Variants in SCD observed in about 807,000 individuals in gnomAD.
SCD encodes the protein acyl-CoA desaturase.
Under a neutral mutation model 35.7 loss-of-function variants are expected in SCD, and 4 were observed. That is an observed-to-expected ratio of 0.11 (90% CI 0.06 to 0.26). The LOEUF (loss-of-function observed/expected upper bound fraction) is 0.26. Ranked by LOEUF, SCD falls within the 10% of genes least tolerant of loss-of-function variation. SCD has a pLI of 1.00. For synonymous variants in SCD, 150 were observed against 170.2 expected (o/e 0.88, Z 0.92); for missense variants, 282 against 460.7 (o/e 0.61, Z 3.55).
At chr10:100,349,984 A>G (rs996165249) in intron 2 of SCD, among the ~76,000 whole-genome samples, 9 of 152,086 alleles carry the variant, frequency 5.9e-5, no homozygotes, top group Non-Finnish European at 1.2e-4. Flanking sequence ...CCTGAAGCCC[A>G]GAGTTTGACC....
intron 5 of SCD, among the ~76,000 whole-genome samples, chr10:100,358,961 T>C (rs1026688155): frequency 6.6e-6 from 1 of 152,078 alleles, no homozygotes; most frequent in Non-Finnish European, 1.5e-5. Context: ...TTTTTTTCTC[T>C]CTTTTTAACT....
chr10:100,356,034 T>C lies in SCD; in HGVS notation c.648-498T>C, dbSNP rs1849923820. 6.6e-6 allele frequency among the ~76,000 whole-genome samples: 1 copy of C among 152,130 alleles called. No individual in the cohort carries two copies. The highest frequency in any genetic ancestry group is 2.1e-4 in the South Asian group (1 of 4,830). On this transcript the variant is annotated intron_variant, in intron 4 of 5. Coordinates refer to ENST00000370355, the MANE Select transcript of SCD (RefSeq NM_005063.5). This position sits in a 1 kb window ranked among gnomAD's most constrained non-coding sequence, Gnocchi z 4.1. The stretch of plus-strand genomic sequence containing the variant: ...GGAGAGACGTCTGTTCATTAGTTTG[T>C]AGTTTGGACCTCACCTATCTTACCA...
chr10:100,352,483 C>T lies in SCD; in HGVS notation c.428C>T (p.Thr143Ile). 4.3e-6 allele frequency: 7 copies of T among 1,613,936 alleles called. No individual in the cohort carries two copies. The highest frequency in any genetic ancestry group is 5.9e-6 in the Non-Finnish European group (7 of 1,179,994). Residue 143 changes from threonine to isoleucine, a missense_variant, in exon 3 of 6, where the codon ACA (threonine) becomes ATA (isoleucine). Around this residue, in one of 2 missense-constraint regions of SCD, gnomAD observed 205 missense variants for 372.3 expected, o/e 0.55. Transcript: ENST00000370355. This position sits in a 1 kb window ranked among gnomAD's most constrained non-coding sequence, Gnocchi z 4.2. ...PLRLFLIIAN[T>I]MAFQNDVYEW... is the part of the protein sequence containing the mutation. ...CGGCTCTTTCTGATCATTGCCAACACAATGGCATTCCAGGTAAGAAGTTGT... is the reference window on the plus strand; with the variant it reads ...CGGCTCTTTCTGATCATTGCCAACATAATGGCATTCCAGGTAAGAAGTTGT...
At chr10:100,347,959 G>T (rs975868854) in intron 1 of SCD, 105 bp from the exon 2 acceptor site, 1 of 1,134,390 alleles carries the variant, frequency 8.8e-7, no homozygotes, top group Non-Finnish European at 1.3e-6. Flanking sequence ...CGCTGCGGAA[G>T]GGTCCGTACT....
intron 2 of SCD, among the ~76,000 whole-genome samples, chr10:100,350,703 T>C (rs1564625219): frequency 6.6e-6 from 1 of 152,252 alleles, no homozygotes; most frequent in African/African-American, 2.4e-5. Context: ...ATATACGTTC[T>C]GAGTCAACAC....
In SCD at chr10:100,348,146, C is replaced by A; in HGVS notation, c.110C>A (p.Thr37Lys). The A allele has an allele frequency of 6.2e-7, 1 of 1,613,832 alleles. No homozygotes were observed. Among genetic ancestry groups the A allele is most frequent in the Non-Finnish European group, 8.5e-7 (1 of 1,179,840 alleles). The change falls in exon 2 of 6, where the codon ACG (threonine) becomes AAG (lysine). Residue 37 changes from threonine (T) to lysine (K), a missense_variant. Thr to Lys is a moderately conservative substitution (Grantham distance 78, BLOSUM62 -1). This residue lies in a region of SCD where 77 missense variants were observed against 88.4 expected (regional missense o/e 0.87). Coordinates refer to ENST00000370355, the MANE Select transcript of SCD (RefSeq NM_005063.5). The part of the protein sequence containing the change: ...VLQNGGDKLE[T>K]MPLYLEDDIR... ...CAGAATGGAGGAGATAAGTTGGAGA[C>A]GATGCCCCTCTACTTGGAAGACGAC... is the stretch of plus-strand genomic sequence containing the variant.
At chr10:100,358,101 G>C (rs959162004) in intron 5 of SCD, among the ~76,000 whole-genome samples, 2 of 152,162 alleles carry the variant, frequency 1.3e-5, no homozygotes, top group Non-Finnish European at 2.9e-5. Context: ...CTGGGCTCAA[G>C]CGATCCTCGG....
At chr10:100,347,951 C>A in intron 1 of SCD, 113 bp from the exon 2 acceptor site, 1 of 1,066,982 alleles carries the variant, frequency 9.4e-7, no homozygotes, top group Non-Finnish European at 1.4e-6. Flanking sequence ...AACTACGGCG[C>A]TGCGGAAGGG....
intron 2 of SCD, among the ~76,000 whole-genome samples, chr10:100,348,726 T>C (rs920440265): frequency 3.3e-5 from 5 of 152,190 alleles, no homozygotes; most frequent in Admixed American, 2.6e-4. Flanking sequence ...TACTAAACCA[T>C]TGGCTTTCTA....
At position 100,364,113 on chromosome 10, in the gene SCD, A is replaced by ATAAG. The variant is rs1370121128; in HGVS notation, c.*3182_*3185dup. 6.8e-6 allele frequency: 1 copy of ATAAG among 147,888 alleles called. No homozygotes were observed. The highest frequency in any genetic ancestry group is 1.5e-5 in the Non-Finnish European group (1 of 67,666). 9.2% of individuals were successfully genotyped at this position (147,888 alleles called of 1,614,324 possible). A position where few individuals can be genotyped will look rare whatever the true frequency, so the allele number is the denominator to read the frequency against. On this transcript the variant is annotated 3_prime_UTR_variant, in exon 6 of 6. Coordinates refer to ENST00000370355, the MANE Select transcript of SCD (RefSeq NM_005063.5). Reference sequence around the variant, plus strand: ...GAAATAATTTGAATGTATTTGATTTATAAGTTTTTTTTTTTTTTTTGGGTT... The same window carrying ATAAG: ...GAAATAATTTGAATGTATTTGATTTATAAGTAAGTTTTTTTTTTTTTTTTGGGTT...
chr10:100,357,159 AAAAC>A (rs1204883894), intron 5 of SCD, among the ~76,000 whole-genome samples: 2 of 152,180 alleles, frequency 1.3e-5, no homozygotes, highest in Non-Finnish European at 2.9e-5. Context: ...ATTAAAAAGC[AAAAC>A]AAACAAACAA....
At chr10:100,347,914 C>T in intron 1 of SCD, 150 bp from the exon 2 acceptor site, 1 of 800,268 alleles carries the variant, frequency 1.2e-6, no homozygotes, top group Non-Finnish European at 2.0e-6. Flanking sequence ...TTCTCCGTTG[C>T]GTCTCGGATA....
chr10:100,347,641 A>G (rs1192179132), intron 1 of SCD, 110 bp downstream of exon 1: 3 of 1,253,972 alleles, frequency 2.4e-6, no homozygotes, highest in Non-Finnish European at 3.4e-6. Flanking sequence ...GGACTTGGTC[A>G]TCTTTTTCGA....
chr10:100,358,102 C>T (rs1344156988), intron 5 of SCD, among the ~76,000 whole-genome samples: 2 of 152,086 alleles, frequency 1.3e-5, no homozygotes, highest in African/African-American at 2.4e-5. Flanking sequence ...TGGGCTCAAG[C>T]GATCCTCGGG....
rs1849925143 is a variant in SCD, at chr10:100,356,150, A to C, written c.648-382A>C. Among the ~76,000 whole-genome samples the C allele has an allele frequency of 6.6e-6, 1 of 151,958 alleles. No homozygotes were observed. The highest frequency in any genetic ancestry group is 2.4e-5 in the African/African-American group (1 of 41,364). On this transcript the variant is annotated intron_variant, in intron 4 of 5. Transcript: ENST00000370355. The surrounding 1 kb of genome is among the most constrained non-coding windows in gnomAD (Gnocchi z 4.1). The stretch of plus-strand genomic sequence containing the variant: ...CAGCACTTTGGGAGGCTGAGGCGGG[A>C]GGATTGCTGGAAAGTTCAGGCATTC...
chr10:100,349,544 T>C (rs1035422983), intron 2 of SCD, among the ~76,000 whole-genome samples: 2 of 152,224 alleles, frequency 1.3e-5, no homozygotes, highest in African/African-American at 4.8e-5. Flanking sequence ...ATCTGGTTCA[T>C]TGAGCTTTTG....
chr10:100,360,663 G>T (rs1297456540), intron 5 of SCD, 71 bp from the exon 6 acceptor site: 1 of 1,328,842 alleles, frequency 7.5e-7, no homozygotes. Context: ...TACCCTGCTA[G>T]CTAACTGGTG....
intron 2 of SCD, among the ~76,000 whole-genome samples, chr10:100,351,393 G>A (rs1206049475): frequency 6.6e-6 from 1 of 151,994 alleles, no homozygotes; most frequent in Non-Finnish European, 1.5e-5. Flanking sequence ...AGGCGAGACA[G>A]AGGAGTTGTG....
At position 100,363,019 on chromosome 10, in the gene SCD, T is replaced by C. The variant is rs1255681396; in HGVS notation, c.*2086T>C. ...TGCTTGTAGAAGTAGGAGGAAACAG[T>C]TCTCACTGGGAAGAAGCAAGGGCAA... On this transcript the variant is annotated 3_prime_UTR_variant, in exon 6 of 6. Coordinates refer to ENST00000370355, the MANE Select transcript of SCD (RefSeq NM_005063.5). 2 of 152,202 alleles carry C rather than the reference T, an allele frequency of 1.3e-5. No individual in the cohort carries two copies. Among genetic ancestry groups the C allele is most frequent in the Non-Finnish European group, 2.9e-5 (2 of 68,054 alleles). 9.4% of individuals were successfully genotyped at this position (152,202 alleles called of 1,614,324 possible).
Sources: gnomAD v4.1 joint callset for allele counts (sites outside exome capture counted in the v4.1 genomes callset) on GRCh38, gnomAD v4.1.1 for gene constraint, gnomAD v4.1.1 regional missense constraint, Gnocchi (gnomAD v3.1) non-coding constraint, MANE v1.5 for transcripts, NCBI Gene and HGNC (gene_info 2026-07-23, HGNC 2026-07-21) for gene names.